Variants in RPH3A observed in about 807,000 individuals in gnomAD.
RPH3A encodes rabphilin 3A.
In RPH3A, 48 loss-of-function variants were observed where a neutral mutation model predicts 102.2. The observed-to-expected ratio is 0.47, with a 90% confidence interval of 0.37 to 0.60. The LOEUF (loss-of-function observed/expected upper bound fraction) is 0.60, where lower values mean the gene tolerates loss of function less well. RPH3A is among the 20% of genes least tolerant of loss of function. The pLI is 0.00. For synonymous variants in RPH3A, 310 were observed against 324.3 expected, an observed-to-expected ratio of 0.96 and a Z score of 0.47; for missense variants, 781 against 910.1, an observed-to-expected ratio of 0.86 and a Z score of 1.83.
At chr12:112,691,796 A>G (rs796564185) in intron 1 of RPH3A, among the ~76,000 whole-genome samples, 55 of 152,336 alleles carry the variant, frequency 3.6e-4, no homozygotes, top group African/African-American at 1.2e-3. Flanking sequence ...CCTGAGTTCC[A>G]GACATCCCAC....
At chr12:112,884,431 T>C (rs1351047228) in intron 16 of RPH3A, among the ~76,000 whole-genome samples, 1 of 152,232 alleles carries the variant, frequency 6.6e-6, no homozygotes, top group East Asian at 1.9e-4. Flanking sequence ...TACTTCATAA[T>C]TATGTATCTA....
chr12:112,644,364 G>T (rs1232152697), intron 1 of RPH3A, among the ~76,000 whole-genome samples: 1 of 152,176 alleles, frequency 6.6e-6, no homozygotes, highest in Non-Finnish European at 1.5e-5. Context: ...TCCTGCTGGG[G>T]AACACTGGGA....
At chr12:112,828,829 A>G (rs1438089591) in intron 3 of RPH3A, among the ~76,000 whole-genome samples, 1 of 152,092 alleles carries the variant, frequency 6.6e-6, no homozygotes, top group Non-Finnish European at 1.5e-5. Context: ...TTCTTTTTTT[A>G]TATTTTGGGA....
intron 15 of RPH3A, among the ~76,000 whole-genome samples, chr12:112,882,527 C>T (rs946355854): frequency 2.0e-5 from 3 of 152,324 alleles, no homozygotes; most frequent in South Asian, 2.1e-4. Context: ...GTACCAAATG[C>T]GCCATGAGAC....
intron 1 of RPH3A, among the ~76,000 whole-genome samples, chr12:112,593,633 G>A (rs2135964819): frequency 6.6e-6 from 1 of 152,322 alleles, no homozygotes; most frequent in East Asian, 1.9e-4. Flanking sequence ...CTCATAGATG[G>A]TGCGTTAGAT....
intron 1 of RPH3A, among the ~76,000 whole-genome samples, chr12:112,605,249 C>A (rs2039586803): frequency 6.6e-6 from 1 of 152,172 alleles, no homozygotes; most frequent in Admixed American, 6.5e-5. Context: ...GTGGCACACA[C>A]CTATAACCCC....
At chr12:112,678,303 A>AG (rs1555283198) in intron 1 of RPH3A, among the ~76,000 whole-genome samples, 2 of 50,138 alleles carry the variant, frequency 4.0e-5, no homozygotes, top group Non-Finnish European at 4.4e-5. Context: ...GAAAGAAAGA[A>AG]AGAGAGAGAG....
intron 2 of RPH3A, among the ~76,000 whole-genome samples, chr12:112,818,628 C>T (rs2041721935): frequency 6.6e-6 from 1 of 152,146 alleles, no homozygotes; most frequent in African/African-American, 2.4e-5. Context: ...ATCACAGCAG[C>T]CTAAGGGGTG....
chr12:112,861,172 G>T (rs2042506784), intron 5 of RPH3A, among the ~76,000 whole-genome samples: 1 of 152,112 alleles, frequency 6.6e-6, no homozygotes, highest in African/African-American at 2.4e-5. Context: ...AACCCTCGGG[G>T]TACCATGAAG....
intron 1 of RPH3A, among the ~76,000 whole-genome samples, chr12:112,703,376 A>G (rs1480809875): frequency 6.6e-6 from 1 of 152,242 alleles, no homozygotes; most frequent in Non-Finnish European, 1.5e-5. Flanking sequence ...GCATTGTAAA[A>G]TAGACTTTCC....
At chr12:112,675,619 C>T (rs2040169114) in intron 1 of RPH3A, among the ~76,000 whole-genome samples, 1 of 152,170 alleles carries the variant, frequency 6.6e-6, no homozygotes, top group South Asian at 2.1e-4. Context: ...TGCTTTATTA[C>T]TCCAAAGAGG....
At chr12:112,654,074 C>T (rs765552767) in intron 1 of RPH3A, among the ~76,000 whole-genome samples, 1 of 152,194 alleles carries the variant, frequency 6.6e-6, no homozygotes, top group Non-Finnish European at 1.5e-5. Flanking sequence ...TTGCACGGAG[C>T]TGTCCTCTCC....
intron 1 of RPH3A, among the ~76,000 whole-genome samples, chr12:112,677,228 C>T (rs1193612798): frequency 6.6e-6 from 1 of 152,146 alleles, no homozygotes; most frequent in Non-Finnish European, 1.5e-5. Context: ...CAGGACCCAG[C>T]TCTCATCAAG....
intron 1 of RPH3A, among the ~76,000 whole-genome samples, chr12:112,595,060 G>A (rs888289935): frequency 6.6e-6 from 1 of 152,278 alleles, no homozygotes; most frequent in East Asian, 1.9e-4. Flanking sequence ...GGACAGCCTG[G>A]TCTTGAGTCC....
At chr12:112,774,828 T>C (rs1173662458) in intron 1 of RPH3A, among the ~76,000 whole-genome samples, 1 of 148,660 alleles carries the variant, frequency 6.7e-6, no homozygotes, top group Non-Finnish European at 1.5e-5. Context: ...GTAGGAAAAA[T>C]AGTAGGAAAA....
intron 1 of RPH3A, among the ~76,000 whole-genome samples, chr12:112,654,532 C>G (rs1487354033): frequency 6.6e-6 from 1 of 152,118 alleles, no homozygotes; most frequent in Non-Finnish European, 1.5e-5. Flanking sequence ...GCCGTCTCAA[C>G]CAGAGCTTTG....
chr12:112,714,162 AG>A (rs1353972403), intron 1 of RPH3A, among the ~76,000 whole-genome samples: 2 of 152,144 alleles, frequency 1.3e-5, no homozygotes, highest in African/African-American at 4.8e-5. Flanking sequence ...AAGGCTGGAG[AG>A]GGCACGAGCA....
intron 1 of RPH3A, among the ~76,000 whole-genome samples, chr12:112,744,997 A>G (rs2040734343): frequency 6.6e-6 from 1 of 152,318 alleles, no homozygotes; most frequent in Non-Finnish European, 1.5e-5. Context: ...CAACTGTCCC[A>G]GTAATCTTCT....
chr12:112,617,052 C>A (rs1373390293), intron 1 of RPH3A, among the ~76,000 whole-genome samples: 1 of 152,126 alleles, frequency 6.6e-6, no homozygotes. Context: ...CAGTTTTTTC[C>A]CTCCTGAGCC....
Sources: gnomAD v4.1 joint callset for allele counts (sites outside exome capture counted in the v4.1 genomes callset) on GRCh38, gnomAD v4.1.1 for gene constraint, MANE v1.5 for transcripts, NCBI Gene and HGNC (gene_info 2026-07-23, HGNC 2026-07-21) for gene names.